Variants in VPS54 observed in about 807,000 individuals in gnomAD.
The protein encoded by VPS54 is VPS54 subunit of GARP complex.
A neutral mutation model predicts 121.5 loss-of-function variants in VPS54; 45 were observed. That is an observed-to-expected ratio of 0.37 (90% CI 0.29 to 0.47). The LOEUF (loss-of-function observed/expected upper bound fraction) is 0.47, where lower values mean the gene tolerates loss of function less well. Ranked by LOEUF, VPS54 falls within the 20% of genes least tolerant of loss-of-function variation. VPS54 has a pLI of 0.99. For synonymous variants in VPS54, 371 were observed against 385.8 expected (o/e 0.96, Z 0.45); for missense variants, 1,090 against 1,131.4 (o/e 0.96, Z 0.52).
At chr2:63,913,483 G>A (rs1269996085) in intron 17 of VPS54, among the ~76,000 whole-genome samples, 173 bp from the exon 18 acceptor site, 1 of 152,032 alleles carries the variant, frequency 6.6e-6, no homozygotes, top group Non-Finnish European at 1.5e-5. Flanking sequence ...ATGAGAAGGG[G>A]AGATTCTAAA....
chr2:63,945,276 A>C (rs116831626), intron 9 of VPS54, among the ~76,000 whole-genome samples: 3,250 of 152,322 alleles, frequency 0.021, 44 homozygotes, highest in East Asian at 0.076. Flanking sequence ...TATCCTTAGC[A>C]AACTAACACA....
At chr2:63,913,153 A>C in intron 18 of VPS54, 70 bp downstream of exon 18, 2 of 1,320,130 alleles carry the variant, frequency 1.5e-6, no homozygotes, top group East Asian at 5.0e-5. Flanking sequence ...TGAGGTATAA[A>C]AAAACATGAT....
chr2:63,923,504 C>T (rs1315057540), intron 12 of VPS54, among the ~76,000 whole-genome samples: 2 of 151,894 alleles, frequency 1.3e-5, no homozygotes, highest in Non-Finnish European at 2.9e-5. Flanking sequence ...ATAGCCAAGA[C>T]GTGGAAGCAA....
At chr2:63,938,059 G>GTGGTGTGT (rs9309357) in intron 11 of VPS54, among the ~76,000 whole-genome samples, 5,224 of 140,402 alleles carry the variant, frequency 0.037, 137 homozygotes, top group Non-Finnish European at 0.056. Flanking sequence ...TGGTGTGTGT[G>GTGGTGTGT]GTGTGTGTGT....
intron 1 of VPS54, among the ~76,000 whole-genome samples, chr2:63,984,705 A>T (rs897135228): frequency 1.3e-5 from 2 of 152,246 alleles, no homozygotes; most frequent in African/African-American, 4.8e-5. Context: ...TAATTAAAAC[A>T]AATATATGTA....
chr2:63,947,227 T>C (rs1675021220), intron 9 of VPS54, among the ~76,000 whole-genome samples, 156 bp downstream of exon 9: 1 of 152,026 alleles, frequency 6.6e-6, no homozygotes, highest in South Asian at 2.1e-4. Context: ...TTTTGGCTGG[T>C]AAGGCTATGT....
chr2:63,918,305 A>G (rs1673478457), intron 15 of VPS54, among the ~76,000 whole-genome samples: 1 of 152,070 alleles, frequency 6.6e-6, no homozygotes, highest in African/African-American at 2.4e-5. Context: ...ATTTTAATTC[A>G]GAAATCATTC....
At chr2:64,015,311 C>T (rs781587674) in intron 1 of VPS54, among the ~76,000 whole-genome samples, 8 of 152,028 alleles carry the variant, frequency 5.3e-5, no homozygotes, top group African/African-American at 7.2e-5. Flanking sequence ...ACAGTATCTG[C>T]GTCATGTCGT....
At chr2:63,987,790 T>C (rs1424337318) in intron 1 of VPS54, among the ~76,000 whole-genome samples, 1 of 152,202 alleles carries the variant, frequency 6.6e-6, no homozygotes, top group Non-Finnish European at 1.5e-5. Context: ...GTTGTAAATC[T>C]AGCTGTTGTT....
Position 63,920,507 on chromosome 2 carries a change from G to A in VPS54, c.1990C>T (p.Leu664Phe), listed in dbSNP as rs144643849. 4.4e-5 allele frequency: 69 copies of A among 1,584,472 alleles called. No homozygotes were observed. The African/African-American group carries it at 8.9e-4, about 21-fold the overall frequency. Residue 664 changes from leucine to phenylalanine, a missense_variant, in exon 14 of 23, where the codon CTT becomes TTT. Physicochemically the swap from Leu to Phe is conservative, Grantham distance 22 (BLOSUM62 0). Coordinates refer to ENST00000272322, the MANE Select transcript of VPS54 (RefSeq NM_016516.3). ...ACAAACTTAATAGCTTGGCTCTGAA[G>A]TGCTCCAAGTAATGACGTGCTTTTT... Reference protein sequence around the residue: ...GRKSTSLLGALQSQAIKFVNR... With the variant: ...GRKSTSLLGAFQSQAIKFVNR...
At chr2:63,926,860 ACAC>A in intron 12 of VPS54, among the ~76,000 whole-genome samples, 2 of 152,122 alleles carry the variant, frequency 1.3e-5, no homozygotes, top group Non-Finnish European at 2.9e-5. Flanking sequence ...GGTGGGTCCC[ACAC>A]CCACGGAGCC....
intron 20 of VPS54, among the ~76,000 whole-genome samples, chr2:63,903,979 A>C (rs1672795776): frequency 1.3e-5 from 2 of 152,176 alleles, no homozygotes; most frequent in South Asian, 4.1e-4. Context: ...AGCAAGATCC[A>C]GCTTCATTCT....
chr2:63,899,565 G>A lies in VPS54; in HGVS notation c.2642C>T (p.Pro881Leu). ...KLLSKYEVKA[P>L]VPSACFRNIC... ...ATTCCTGAAACAGGCAGAAGGAACA[G>A]GAGCCTTCACTTCATACTGGTAGGA... Residue 881 changes from proline to leucine, a missense_variant, in exon 21 of 23, where the codon CCT (proline) becomes CTT (leucine). Coordinates refer to ENST00000272322, the MANE Select transcript of VPS54 (RefSeq NM_016516.3). 6.2e-7 allele frequency: 1 copy of A among 1,613,574 alleles called. No individual in the cohort carries two copies. The highest frequency in any genetic ancestry group is 8.5e-7 in the Non-Finnish European group (1 of 1,179,902).
intron 1 of VPS54, among the ~76,000 whole-genome samples, chr2:64,012,140 A>G (rs1382988839): frequency 6.6e-6 from 1 of 152,054 alleles, no homozygotes; most frequent in East Asian, 1.9e-4. Flanking sequence ...CTACTTTACT[A>G]ACTTCATTAC....
At chr2:63,900,948 G>A (rs1672657369) in intron 20 of VPS54, among the ~76,000 whole-genome samples, 1 of 152,048 alleles carries the variant, frequency 6.6e-6, no homozygotes, top group Non-Finnish European at 1.5e-5. Flanking sequence ...TTTTAGTAGA[G>A]ACAGGGTTTC....
At position 63,977,034 on chromosome 2, in the gene VPS54, G is replaced by A. The variant is rs368919016; in HGVS notation, c.378+4612C>T. 5.3e-4 allele frequency among the ~76,000 whole-genome samples: 81 copies of A among 151,986 alleles called. 2 individuals are homozygous for A. The South Asian group carries it at 0.016, about 31-fold the overall frequency. ...AGTAGAGATGGGGTTTCATCATGTT[G>A]GCCAGGCTGGTCTCGAACTCCTGGC... On this transcript the variant is annotated intron_variant, in intron 3 of 22. Coordinates refer to ENST00000272322, the MANE Select transcript of VPS54 (RefSeq NM_016516.3).
chr2:63,929,379 C>T (rs1674073299), intron 12 of VPS54, among the ~76,000 whole-genome samples: 1 of 152,186 alleles, frequency 6.6e-6, no homozygotes, highest in Non-Finnish European at 1.5e-5. Context: ...AACCACTCAA[C>T]TACATGGAAA....
In VPS54 at chr2:63,967,550, C is replaced by T. The variant is rs570681803; in HGVS notation, c.492+1407G>A. On this transcript the variant is annotated intron_variant, in intron 5 of 22. Transcript: ENST00000272322. ...CCTGGCCAACGTGGCAAAACCCCGT[C>T]TCTTCTAAAAATACTAAAATTAGCC... 3.3e-5 allele frequency among the ~76,000 whole-genome samples: 5 copies of T among 151,798 alleles called. No homozygotes were observed. The South Asian group carries it at 1.0e-3, about 32-fold the overall frequency.
intron 1 of VPS54, among the ~76,000 whole-genome samples, chr2:63,987,908 A>C (rs1218393623): frequency 6.6e-6 from 1 of 152,172 alleles, no homozygotes; most frequent in East Asian, 1.9e-4. Flanking sequence ...TATCACTTCT[A>C]ATCATTTTTT....
Sources: gnomAD v4.1 joint callset for allele counts (sites outside exome capture counted in the v4.1 genomes callset) on GRCh38, gnomAD v4.1.1 for gene constraint, MANE v1.5 for transcripts, NCBI Gene and HGNC (gene_info 2026-07-23, HGNC 2026-07-21) for gene names.